RALA: variants seen among roughly 807,000 people sequenced by gnomAD.
The protein encoded by RALA is RAS like proto-oncogene A, also known as ras-related protein Ral-A.
RALA carries 5 observed loss-of-function variants against 24.0 expected under a neutral mutation model. The observed-to-expected ratio is 0.21, with a 90% CI of 0.11 to 0.44. The LOEUF (loss-of-function observed/expected upper bound fraction) is 0.44. Among genes scored for constraint, RALA ranks in the 20% least tolerant of loss-of-function variants. The probability of loss-of-function intolerance (pLI) is 0.99; values close to 1 mark genes in which losing one functional copy is unlikely to be tolerated. For missense variants in RALA, 95 were observed against 241.2 expected, an observed-to-expected ratio of 0.39 and a Z score of 4.01; for synonymous variants, 77 against 83.8, an observed-to-expected ratio of 0.92 and a Z score of 0.44.
At chr7:39,636,601 T>A (rs574037579) in intron 1 of RALA, among the ~76,000 whole-genome samples, 3 of 152,360 alleles carry the variant, frequency 2.0e-5, no homozygotes, top group Non-Finnish European at 1.5e-5. Flanking sequence ...AGGTGGACTT[T>A]CTTTTTGATT....
At chr7:39,640,536 A>G (rs928818635) in intron 1 of RALA, among the ~76,000 whole-genome samples, 1 of 152,210 alleles carries the variant, frequency 6.6e-6, no homozygotes, top group African/African-American at 2.4e-5. Context: ...ACAGATACAA[A>G]TCTTACATCA....
intron 1 of RALA, among the ~76,000 whole-genome samples, chr7:39,632,567 C>T (rs1201400658): frequency 6.6e-6 from 1 of 152,190 alleles, no homozygotes; most frequent in Non-Finnish European, 1.5e-5. Flanking sequence ...CCTGTAATCC[C>T]AGTACTTTGG....
At chr7:39,639,725 T>A (rs1791747605) in intron 1 of RALA, among the ~76,000 whole-genome samples, 1 of 152,134 alleles carries the variant, frequency 6.6e-6, no homozygotes, top group Admixed American at 6.5e-5. Flanking sequence ...CCAACCTGCT[T>A]TTTCCAGTTC....
chr7:39,625,143 C>T (rs953035541), intron 1 of RALA, among the ~76,000 whole-genome samples: 3 of 152,190 alleles, frequency 2.0e-5, no homozygotes, highest in Admixed American at 1.3e-4. Context: ...TATAGGTTAT[C>T]TCACAGTCAC....
rs764813063 is a variant in RALA at position 39,654,869 on chromosome 7, A to C, written c.-38+31044A>C. Among the ~76,000 whole-genome samples, 9 of 151,370 alleles carry C rather than the reference A, an allele frequency of 5.9e-5. No individual in the cohort carries two copies. The South Asian group carries it at 1.9e-3, about 32-fold the overall frequency. ...AGGCCCAAGCAGTTCTCCCACCTCA[A>C]CCTCCCAAGCAGCTGGGGCTATAGG... On this transcript the variant is annotated intron_variant, in intron 1 of 4. Coordinates refer to ENST00000005257, the MANE Select transcript of RALA (RefSeq NM_005402.4).
At chr7:39,703,528 G>T (rs1326794345) in intron 4 of RALA, among the ~76,000 whole-genome samples, 1 of 151,918 alleles carries the variant, frequency 6.6e-6, no homozygotes, top group Non-Finnish European at 1.5e-5. Context: ...TATGCTTCTT[G>T]CTGCAGATCA....
intron 3 of RALA, among the ~76,000 whole-genome samples, chr7:39,692,815 C>A (rs1433183264): frequency 1.3e-5 from 2 of 152,276 alleles, no homozygotes; most frequent in South Asian, 2.1e-4. Context: ...GCTAGAGTTA[C>A]AAACACCTGA....
At chr7:39,677,494 G>T (rs1405597583) in intron 1 of RALA, among the ~76,000 whole-genome samples, 4 of 101,486 alleles carry the variant, frequency 3.9e-5, no homozygotes, top group Non-Finnish European at 5.9e-5. Context: ...TTGCTATTGT[G>T]AATAATGCCG....
At chr7:39,655,764 A>G (rs1381457667) in intron 1 of RALA, among the ~76,000 whole-genome samples, 1 of 152,142 alleles carries the variant, frequency 6.6e-6, no homozygotes, top group Non-Finnish European at 1.5e-5. Context: ...ACTTGGTATC[A>G]TTGTTTCACT....
In RALA at chr7:39,686,618, T is replaced by C. The variant is rs777607355; in HGVS notation, c.-37-13T>C. ...AATGTACTGAGCATTACTTATTCTT[T>C]CATTCTTCTTAGATTCTTCTTAATC... is the stretch of plus-strand genomic sequence containing the variant. On this transcript the variant is annotated splice_polypyrimidine_tract_variant and intron_variant, in intron 1 of 4. Coordinates refer to ENST00000005257, the MANE Select transcript of RALA (RefSeq NM_005402.4). 7.2e-7 allele frequency: 1 copy of C among 1,398,466 alleles called. No homozygotes were observed. Among genetic ancestry groups the C allele is most frequent in the Non-Finnish European group, 1.0e-6 (1 of 983,626 alleles). The allele number at this position is 1,398,466 out of a possible 1,614,324, so 86.6% of individuals were successfully genotyped here.
intron 2 of RALA, among the ~76,000 whole-genome samples, chr7:39,689,804 T>C (rs1336112096): frequency 6.6e-6 from 1 of 152,190 alleles, no homozygotes; most frequent in Non-Finnish European, 1.5e-5. Flanking sequence ...CAAGGTATAT[T>C]AAAGTGAGAT....
At chr7:39,650,335 T>C (rs1791998891) in intron 1 of RALA, among the ~76,000 whole-genome samples, 1 of 152,218 alleles carries the variant, frequency 6.6e-6, no homozygotes, top group Non-Finnish European at 1.5e-5. Flanking sequence ...TATTTAGGTA[T>C]TGTCTGTGAC....
intron 4 of RALA, among the ~76,000 whole-genome samples, chr7:39,704,440 C>G (rs775714660): frequency 7.3e-5 from 11 of 151,238 alleles, no homozygotes; most frequent in Non-Finnish European, 1.6e-4. Flanking sequence ...GCCTCAGCCT[C>G]TCGAGTAGCT....
chr7:39,691,271 G>A (rs566363261), intron 3 of RALA, among the ~76,000 whole-genome samples: 12 of 152,238 alleles, frequency 7.9e-5, no homozygotes, highest in African/African-American at 1.7e-4. Flanking sequence ...GAGTTCTTGC[G>A]TGGTCTTGCA....
Position 39,637,791 on chromosome 7 carries a change from A to G in RALA, c.-38+13966A>G, listed in dbSNP as rs1791709921. 2.6e-5 allele frequency among the ~76,000 whole-genome samples: 4 copies of G among 152,300 alleles called. No individual in the cohort carries two copies. In the South Asian group the frequency reaches 8.3e-4, roughly 32 times the overall value. On this transcript the variant is annotated intron_variant, in intron 1 of 4. Coordinates refer to ENST00000005257, the MANE Select transcript of RALA (RefSeq NM_005402.4). ...AGTGTATTGAATGCCTACATACCCT[A>G]CACCTATATTCACCAATCACCAATT...
chr7:39,626,593 C>A (rs946077744), intron 1 of RALA, among the ~76,000 whole-genome samples: 13 of 152,156 alleles, frequency 8.5e-5, no homozygotes, highest in African/African-American at 3.1e-4. Flanking sequence ...TTCAGCGTGC[C>A]TACAAATACA....
rs566142060 is a variant in RALA at position 39,660,202 on chromosome 7, C to T, written c.-37-26429C>T. Reference sequence around the variant, plus strand: ...CTACTTAAAAAGTACAAAAATTAGCCGGGTGTGGTGGTGTGCACCTGTAGT... The same window carrying T: ...CTACTTAAAAAGTACAAAAATTAGCTGGGTGTGGTGGTGTGCACCTGTAGT... On this transcript the variant is annotated intron_variant, in intron 1 of 4. Coordinates refer to ENST00000005257, the MANE Select transcript of RALA (RefSeq NM_005402.4). 5.3e-5 allele frequency among the ~76,000 whole-genome samples: 8 copies of T among 151,980 alleles called. No homozygotes were observed. The East Asian group carries it at 1.4e-3, about 26-fold the overall frequency.
intron 1 of RALA, among the ~76,000 whole-genome samples, chr7:39,677,082 A>C (rs1792499830): frequency 6.6e-6 from 1 of 152,220 alleles, no homozygotes; most frequent in African/African-American, 2.4e-5. Flanking sequence ...GTTTGGCTAA[A>C]GTAGAGGAGA....
intron 3 of RALA, among the ~76,000 whole-genome samples, chr7:39,695,463 G>A (rs1792900903): frequency 6.6e-6 from 1 of 151,644 alleles, no homozygotes; most frequent in African/African-American, 2.4e-5. Flanking sequence ...CCAGGCTAGA[G>A]TACAGTGATG....
Sources: allele counts gnomAD v4.1 joint callset (sites outside exome capture counted in the v4.1 genomes callset), GRCh38; gene constraint gnomAD v4.1.1; transcripts MANE v1.5; gene names NCBI Gene and HGNC (gene_info 2026-07-23, HGNC 2026-07-21).